Variants in TSNAX observed in about 807,000 individuals in gnomAD.
TSNAX encodes translin-associated protein X.
In TSNAX, 12 loss-of-function variants were observed where a neutral mutation model predicts 33.0. The observed-to-expected ratio is 0.36, with a 90% CI of 0.23 to 0.59. TSNAX has a LOEUF of 0.59. Ranked by LOEUF, TSNAX falls within the 20% of genes least tolerant of loss-of-function variation. TSNAX has a pLI of 0.74. For missense variants in TSNAX, 267 were observed against 341.3 expected, an observed-to-expected ratio of 0.78 and a Z score of 1.72; for synonymous variants, 110 against 117.2, an observed-to-expected ratio of 0.94 and a Z score of 0.40.
intron 4 of TSNAX, among the ~76,000 whole-genome samples, chr1:231,549,656 T>A (rs991527084): frequency 6.6e-6 from 1 of 152,238 alleles, no homozygotes; most frequent in Non-Finnish European, 1.5e-5. Context: ...TAGGAAAAGA[T>A]AAGCAGCCTG....
At chr1:231,544,735 T>A (rs1659796244) in intron 4 of TSNAX, among the ~76,000 whole-genome samples, 1 of 152,166 alleles carries the variant, frequency 6.6e-6, no homozygotes, top group Non-Finnish European at 1.5e-5. Context: ...AAAAGCAACC[T>A]AGAAAGCTGT....
chr1:231,543,475 T>G (rs942592960), intron 4 of TSNAX, among the ~76,000 whole-genome samples: 17 of 152,108 alleles, frequency 1.1e-4, no homozygotes, highest in African/African-American at 4.1e-4. Context: ...GCATGACCTT[T>G]GAGCATCGTG....
Position 231,564,990 on chromosome 1 carries a change from T to A in TSNAX, c.*85T>A. ...ACTTATTTAGTATTTCATTTAACTT[T>A]ATTGTGGCTTTTACATAGAAACATA... On this transcript the variant is annotated 3_prime_UTR_variant, in exon 6 of 6. Transcript: ENST00000366639. 6.8e-7 allele frequency: 1 copy of A among 1,468,666 alleles called. No individual in the cohort carries two copies. Among genetic ancestry groups the A allele is most frequent in the Non-Finnish European group, 9.1e-7 (1 of 1,095,544 alleles). 91.0% of individuals were successfully genotyped at this position (1,468,666 alleles called of 1,614,324 possible).
chr1:231,551,661 G>A (rs986498955), intron 4 of TSNAX, among the ~76,000 whole-genome samples: 2 of 151,728 alleles, frequency 1.3e-5, no homozygotes, highest in Non-Finnish European at 1.5e-5. Flanking sequence ...TCGTTCTTCA[G>A]TGCTGATGTA....
At chr1:231,561,058 A>C in intron 4 of TSNAX, 70 bp from the exon 5 acceptor site, 1 of 1,492,128 alleles carries the variant, frequency 6.7e-7, no homozygotes, top group African/African-American at 1.4e-5. Context: ...ATCAATATGA[A>C]GTTTTTTTAT....
At chr1:231,533,996 A>G (rs1658973926) in intron 2 of TSNAX, 1 of 152,218 alleles carries the variant, frequency 6.6e-6, no homozygotes, top group African/African-American at 2.4e-5. Context: ...TCTCTAGTCC[A>G]GTAATCTAGA....
intron 3 of TSNAX, among the ~76,000 whole-genome samples, chr1:231,541,169 GA>G (rs1429865893): frequency 2.0e-5 from 3 of 151,916 alleles, no homozygotes; most frequent in African/African-American, 7.3e-5. Context: ...AATTTTTTAT[GA>G]TCCCATTTTA....
intron 4 of TSNAX, among the ~76,000 whole-genome samples, chr1:231,544,016 A>G (rs1347132968): frequency 1.3e-5 from 2 of 152,204 alleles, no homozygotes; most frequent in African/African-American, 4.8e-5. Context: ...AGAAAACATG[A>G]GAATATCTTT....
At chr1:231,530,191 C>CT (rs1658581768) in intron 2 of TSNAX, among the ~76,000 whole-genome samples, 1 of 152,342 alleles carries the variant, frequency 6.6e-6, no homozygotes, top group Middle Eastern at 3.4e-3. Flanking sequence ...ACATCAGACA[C>CT]TGTCATTTTT....
chr1:231,542,777 T>C, intron 4 of TSNAX, 166 bp downstream of exon 4: 1 of 721,924 alleles, frequency 1.4e-6, no homozygotes, highest in Non-Finnish European at 2.2e-6. Flanking sequence ...GCAAGTTGGC[T>C]TTATGTTTTT....
intron 4 of TSNAX, chr1:231,554,611 A>G (rs928664381): frequency 6.6e-6 from 1 of 152,206 alleles, no homozygotes; most frequent in African/African-American, 2.4e-5. Context: ...CATTTAAACT[A>G]TTGTTGTAGG....
intron 4 of TSNAX, among the ~76,000 whole-genome samples, chr1:231,560,412 C>CCAA (rs1416598527): frequency 1.0e-5 from 1 of 97,224 alleles, no homozygotes; most frequent in Non-Finnish European, 2.1e-5. Context: ...TTTCTCCCCC[C>CCAA]CCCCCCTTTT....
chr1:231,546,338 G>T (rs1443823325), intron 4 of TSNAX, among the ~76,000 whole-genome samples: 2 of 151,980 alleles, frequency 1.3e-5, no homozygotes, highest in Non-Finnish European at 2.9e-5. Context: ...ACTGTTTTTT[G>T]TTTCTTCCGA....
At chr1:231,542,836 G>A (rs1659665495) in intron 4 of TSNAX, 1 of 408,302 alleles carries the variant, frequency 2.4e-6, no homozygotes, top group Non-Finnish European at 4.4e-6. Context: ...AAGTATTTGA[G>A]AACACAGATT....
chr1:231,557,845 A>G (rs1224793527), intron 4 of TSNAX, among the ~76,000 whole-genome samples: 1 of 152,138 alleles, frequency 6.6e-6, no homozygotes, highest in Admixed American at 6.5e-5. Context: ...CTAATTCCTT[A>G]TTGTATTCAT....
chr1:231,549,853 A>G (rs1334519156), intron 4 of TSNAX, among the ~76,000 whole-genome samples: 1 of 152,242 alleles, frequency 6.6e-6, no homozygotes, highest in African/African-American at 2.4e-5. Context: ...TAGGCCTGTC[A>G]TAATAAAATA....
chr1:231,560,881 ATCTC>A (rs1661067614), intron 4 of TSNAX, among the ~76,000 whole-genome samples: 1 of 152,016 alleles, frequency 6.6e-6, no homozygotes, highest in Non-Finnish European at 1.5e-5. Flanking sequence ...GCTGGTCTCC[ATCTC>A]CTGACCTGAA....
intron 2 of TSNAX, among the ~76,000 whole-genome samples, chr1:231,530,729 G>T (rs1222378487): frequency 7.0e-6 from 1 of 142,684 alleles, no homozygotes; most frequent in Non-Finnish European, 1.5e-5. Flanking sequence ...AAAAAAAAAA[G>T]TACGAAAAAT....
rs1558141507 is a variant in TSNAX at position 231,564,946 on chromosome 1, TAA to T, written c.*42_*43del. 6.4e-7 allele frequency: 1 copy of T among 1,570,446 alleles called. No homozygotes were observed. The highest frequency in any genetic ancestry group is 1.9e-5 in the Admixed American group (1 of 53,132). The stretch of plus-strand genomic sequence containing the variant: ...AGTTACTAATTCTTTTGAGAACTCC[TAA>T]GAGACCAATTTGTAAGACTTATTTA... On this transcript the variant is annotated 3_prime_UTR_variant, in exon 6 of 6. Coordinates refer to ENST00000366639, the MANE Select transcript of TSNAX (RefSeq NM_005999.3).
Sources: gnomAD v4.1 joint callset for allele counts (sites outside exome capture counted in the v4.1 genomes callset) on GRCh38, gnomAD v4.1.1 for gene constraint, MANE v1.5 for transcripts, NCBI Gene and HGNC (gene_info 2026-07-23, HGNC 2026-07-21) for gene names.